HSD17B12: variants seen among roughly 807,000 people sequenced by gnomAD.
HSD17B12 encodes very-long-chain 3-oxoacyl-CoA reductase.
In HSD17B12, 32 loss-of-function variants were observed where a neutral mutation model predicts 39.3. That is an observed-to-expected ratio of 0.81 (90% CI 0.61 to 1.09). The LOEUF (loss-of-function observed/expected upper bound fraction) is 1.09, where lower values mean the gene tolerates loss of function less well. Ranked by LOEUF, HSD17B12 falls within the 50% of genes least tolerant of loss-of-function variation. The pLI is 0.00. For missense variants in HSD17B12, 342 were observed against 382.9 expected, an observed-to-expected ratio of 0.89 and a Z score of 0.89; for synonymous variants, 150 against 146.7, an observed-to-expected ratio of 1.02 and a Z score of -0.16.
upstream of HSD17B12, among the ~76,000 whole-genome samples, chr11:43,678,847 A>G (rs1339893777): frequency 1.3e-5 from 2 of 152,112 alleles, no homozygotes; most frequent in African/African-American, 4.8e-5. Context: ...GCCTTGTAGT[A>G]TAGTTTGAAG....
rs55674379 is a variant in HSD17B12, at chr11:43,801,595, GATATATATATATATATAT to G, written c.391+3187_391+3204del. 9.6e-5 allele frequency among the ~76,000 whole-genome samples: 7 copies of G among 72,788 alleles called. No individual in the cohort carries two copies. In the East Asian group the frequency reaches 1.3e-3, roughly 14 times the overall value. 47.8% of individuals were successfully genotyped at this position (72,788 alleles called of 152,430 possible). A position where few individuals can be genotyped will look rare whatever the true frequency, so the allele number is the denominator to read the frequency against. On this transcript the variant is annotated intron_variant, in intron 4 of 10. Coordinates refer to ENST00000278353, the MANE Select transcript of HSD17B12 (RefSeq NM_016142.3). ...TTGACTTGTTTAGTTGATAGTTGGA[GATATATATATATATATAT>G]ATATATATATATATATATGTATATG...
At chr11:43,604,155 T>C in the HSD17B12 span, among the ~76,000 whole-genome samples, 14 of 152,180 alleles carry the variant, frequency 9.2e-5, no homozygotes, top group Non-Finnish European at 1.9e-4. Flanking sequence ...GCACTGTACC[T>C]GAACAAAATG....
intron 1 of HSD17B12, among the ~76,000 whole-genome samples, chr11:43,750,501 A>T (rs1950455995): frequency 6.6e-6 from 1 of 151,816 alleles, no homozygotes; most frequent in Admixed American, 6.6e-5. Flanking sequence ...ATTAATATTT[A>T]GTTGTATTTA....
At chr11:43,796,023 T>C (rs1055100915) in intron 3 of HSD17B12, among the ~76,000 whole-genome samples, 2 of 151,866 alleles carry the variant, frequency 1.3e-5, no homozygotes, top group African/African-American at 4.8e-5. Flanking sequence ...ATTCCAAACA[T>C]AGGGAATGGT....
intron 1 of HSD17B12, among the ~76,000 whole-genome samples, chr11:43,696,687 A>G (rs1328159961): frequency 6.6e-6 from 1 of 152,240 alleles, no homozygotes; most frequent in Non-Finnish European, 1.5e-5. Flanking sequence ...AATATAAATC[A>G]TTCTACTATA....
chr11:43,631,444 C>G, the HSD17B12 span, among the ~76,000 whole-genome samples: 1 of 152,122 alleles, frequency 6.6e-6, no homozygotes, highest in Non-Finnish European at 1.5e-5. Flanking sequence ...CTCCTTCTGA[C>G]CAATCCTATA....
chr11:43,701,023 G>A (rs1322811645), intron 1 of HSD17B12, among the ~76,000 whole-genome samples: 1 of 152,110 alleles, frequency 6.6e-6, no homozygotes, highest in African/African-American at 2.4e-5. Flanking sequence ...TGGGATATAT[G>A]CCATTTTAAC....
chr11:43,659,411 G>C, the HSD17B12 span, among the ~76,000 whole-genome samples: 295 of 152,288 alleles, frequency 1.9e-3, 2 homozygotes, highest in Admixed American at 4.9e-3. Context: ...TGCACCCACT[G>C]TCTGGCACTC....
intron 1 of HSD17B12, among the ~76,000 whole-genome samples, chr11:43,700,060 GTTT>G (rs1304568361): frequency 2.6e-5 from 4 of 152,170 alleles, no homozygotes; most frequent in African/African-American, 9.7e-5. Flanking sequence ...GGGCTGGGAA[GTTT>G]GGGTATTTAT....
At chr11:43,692,392 T>G (rs892661713) in intron 1 of HSD17B12, among the ~76,000 whole-genome samples, 2 of 152,162 alleles carry the variant, frequency 1.3e-5, no homozygotes, top group Non-Finnish European at 2.9e-5. Flanking sequence ...GTCATACTAG[T>G]TTTGAAAATG....
the HSD17B12 span, among the ~76,000 whole-genome samples, chr11:43,613,348 T>C: frequency 6.6e-6 from 1 of 151,466 alleles, no homozygotes; most frequent in South Asian, 2.1e-4. Context: ...GTCAAGATCA[T>C]ATCATCGCAC....
chr11:43,694,129 G>A (rs767793437), intron 1 of HSD17B12, among the ~76,000 whole-genome samples: 23 of 152,198 alleles, frequency 1.5e-4, no homozygotes, highest in Non-Finnish European at 2.9e-4. Flanking sequence ...CCCTTTTCAA[G>A]TATTCTTGAA....
At chr11:43,652,627 G>A in the HSD17B12 span, among the ~76,000 whole-genome samples, 1 of 152,026 alleles carries the variant, frequency 6.6e-6, no homozygotes, top group East Asian at 1.9e-4. Flanking sequence ...TAATTTGCTA[G>A]CGTGGCTCAC....
chr11:43,778,785 A>G (rs565941666), intron 3 of HSD17B12, among the ~76,000 whole-genome samples: 67 of 151,934 alleles, frequency 4.4e-4, no homozygotes, highest in African/African-American at 1.5e-3. Context: ...AAATTCAACA[A>G]CCCTTCATGC....
chr11:43,584,224 G>A, the HSD17B12 span, among the ~76,000 whole-genome samples: 3 of 152,076 alleles, frequency 2.0e-5, no homozygotes, highest in East Asian at 5.8e-4. Flanking sequence ...GTTGCTTTCA[G>A]TCCCTCTGCC....
At chr11:43,844,259 T>C (rs1317646927) in intron 9 of HSD17B12, among the ~76,000 whole-genome samples, 3 of 152,260 alleles carry the variant, frequency 2.0e-5, no homozygotes, top group Non-Finnish European at 2.9e-5. Context: ...TTAATATTTT[T>C]CTTTTGCATT....
intron 3 of HSD17B12, among the ~76,000 whole-genome samples, chr11:43,791,773 G>T (rs1221641837): frequency 6.6e-6 from 1 of 152,104 alleles, no homozygotes; most frequent in African/African-American, 2.4e-5. Context: ...ACAGATTCAC[G>T]CAGCATAAGG....
chr11:43,682,232 A>G (rs1949753373), intron 1 of HSD17B12, among the ~76,000 whole-genome samples: 1 of 152,196 alleles, frequency 6.6e-6, no homozygotes, highest in Non-Finnish European at 1.5e-5. Flanking sequence ...ATTCTGTTTC[A>G]CAGTCACCTG....
At chr11:43,614,653 G>A in the HSD17B12 span, among the ~76,000 whole-genome samples, 1 of 152,060 alleles carries the variant, frequency 6.6e-6, no homozygotes, top group South Asian at 2.1e-4. Flanking sequence ...TCTCTCCTGA[G>A]ACCATTTTTT....
Sources: gnomAD v4.1 joint callset for allele counts (sites outside exome capture counted in the v4.1 genomes callset) on GRCh38, gnomAD v4.1.1 for gene constraint, MANE v1.5 for transcripts, NCBI Gene and HGNC (gene_info 2026-07-23, HGNC 2026-07-21) for gene names.